ATP1A4: variants seen among roughly 807,000 people sequenced by gnomAD.
ATP1A4 encodes the protein ATPase Na+/K+ transporting subunit alpha 4.
Under a neutral mutation model 114.3 loss-of-function variants are expected in ATP1A4, and 90 were observed. The observed-to-expected ratio is 0.79, with a 90% CI of 0.66 to 0.94. The LOEUF (loss-of-function observed/expected upper bound fraction) is 0.94, where lower values mean the gene tolerates loss of function less well. ATP1A4 is among the 40% of genes least tolerant of loss of function. The probability of loss-of-function intolerance (pLI) is 0.00; values close to 1 mark genes in which losing one functional copy is unlikely to be tolerated. For missense variants in ATP1A4, 1,222 were observed against 1,313.6 expected (o/e 0.93, Z 1.08); for synonymous variants, 511 against 494.1 (o/e 1.03, Z -0.45).
chr1:160,167,463 A>G (rs1398414612), intron 10 of ATP1A4, 51 bp downstream of exon 10: 1 of 1,598,844 alleles, frequency 6.3e-7, no homozygotes, highest in Non-Finnish European at 8.5e-7. Flanking sequence ...TGGGCTTATC[A>G]CTGGAACAAG....
chr1:160,166,417 A>T (rs561372152), intron 7 of ATP1A4, 111 bp from the exon 8 acceptor site: 1 of 1,364,562 alleles, frequency 7.3e-7, no homozygotes, highest in South Asian at 1.4e-5. Flanking sequence ...ACAAAAGGGA[A>T]GTAAGTACAA....
intron 6 of ATP1A4, 37 bp from the exon 7 acceptor site, chr1:160,164,119 C>A: frequency 6.2e-7 from 1 of 1,604,356 alleles, no homozygotes; most frequent in Non-Finnish European, 8.5e-7. Flanking sequence ...CTTATCATAT[C>A]ACAACATCAC....
At chr1:160,185,411 A>C (rs1264857610) in intron 20 of ATP1A4, among the ~76,000 whole-genome samples, 1 of 151,840 alleles carries the variant, frequency 6.6e-6, no homozygotes, top group African/African-American at 2.4e-5. Context: ...ATGCCTGGCT[A>C]TCACTGGCTC....
intron 18 of ATP1A4, among the ~76,000 whole-genome samples, chr1:160,178,788 C>T (rs889727632): frequency 1.3e-5 from 2 of 152,184 alleles, no homozygotes; most frequent in Non-Finnish European, 2.9e-5. Flanking sequence ...TTTCTAACAA[C>T]CAAGATGAAT....
intron 18 of ATP1A4, among the ~76,000 whole-genome samples, chr1:160,179,589 G>A (rs1653608127): frequency 6.6e-6 from 1 of 152,212 alleles, no homozygotes; most frequent in South Asian, 2.1e-4. Flanking sequence ...GGAAGTGCAT[G>A]ATGCACTGCT....
intron 10 of ATP1A4, among the ~76,000 whole-genome samples, chr1:160,169,418 C>G (rs1444659852): frequency 6.6e-6 from 1 of 152,266 alleles, no homozygotes; most frequent in Non-Finnish European, 1.5e-5. Flanking sequence ...GGGCCCTTCA[C>G]TTATTCAACA....
chr1:160,174,573 C>T lies in ATP1A4; in HGVS notation c.2143-6C>T. The T allele has an allele frequency of 6.2e-7, 1 of 1,612,516 alleles. No individual in the cohort carries two copies. Among genetic ancestry groups the T allele is most frequent in the Non-Finnish European group, 8.5e-7 (1 of 1,178,740 alleles). ...TTGTTCACTCTCTCTGTCTGGACTT[C>T]CTCAGGGAGCCGTTGTGGCCGTGAC... On this transcript the variant is annotated splice_region_variant and splice_polypyrimidine_tract_variant and intron_variant, in intron 14 of 21. Coordinates refer to ENST00000368081, the MANE Select transcript of ATP1A4 (RefSeq NM_144699.4).
At chr1:160,167,821 A>G (rs1208957979) in intron 10 of ATP1A4, among the ~76,000 whole-genome samples, 1 of 152,176 alleles carries the variant, frequency 6.6e-6, no homozygotes, top group Non-Finnish European at 1.5e-5. Context: ...ACTTTATTTC[A>G]TTAGCCATCA....
Position 160,159,007 on chromosome 1 carries a change from T to G in ATP1A4, c.531T>G (p.Ala177=), listed in dbSNP as rs182843243. 6 of 1,613,724 alleles carry G rather than the reference T, an allele frequency of 3.7e-6. No homozygotes were observed. The African/African-American group carries it at 5.3e-5, about 14-fold the overall frequency. The change falls in exon 5 of 22, where the codon GCT becomes GCG. Residue 177 remains alanine, a synonymous_variant. Coordinates refer to ENST00000368081, the MANE Select transcript of ATP1A4 (RefSeq NM_144699.4). ...CCTGCACTATCCTCTCATAGCAAGCTCTGGTAATTCGAGGAGGAGAGAAGA... is the reference window on the plus strand; with the variant it reads ...CCTGCACTATCCTCTCATAGCAAGCGCTGGTAATTCGAGGAGGAGAGAAGA... ...ESFKNMVPQQ[A]LVIRGGEKMQ... is the part of the protein sequence containing the mutation.
intron 16 of ATP1A4, 61 bp downstream of exon 16, chr1:160,176,307 T>C (rs1233560243): frequency 6.2e-7 from 1 of 1,604,080 alleles, no homozygotes; most frequent in Middle Eastern, 1.7e-4. Context: ...CTCCCTGCTT[T>C]CTGCCTGGAG....
At chr1:160,159,341 T>C in intron 5 of ATP1A4, 68 bp from the exon 6 acceptor site, 1 of 1,437,710 alleles carries the variant, frequency 7.0e-7, no homozygotes, top group East Asian at 2.3e-5. Context: ...GAAGACATAC[T>C]ATTTTTGTAA....
chr1:160,154,133 C>T (rs937948226), intron 2 of ATP1A4, among the ~76,000 whole-genome samples: 1 of 152,144 alleles, frequency 6.6e-6, no homozygotes, highest in Non-Finnish European at 1.5e-5. Context: ...GCAGGCAGAT[C>T]ACTTGAGGTC....
chr1:160,161,688 A>G (rs1652867727), intron 6 of ATP1A4, among the ~76,000 whole-genome samples: 1 of 152,200 alleles, frequency 6.6e-6, no homozygotes, highest in South Asian at 2.1e-4. Context: ...CAGCATCTTC[A>G]TTCCATAGGA....
intron 1 of ATP1A4, 140 bp downstream of exon 1, chr1:160,152,327 G>T: frequency 5.6e-6 from 5 of 898,152 alleles, no homozygotes; most frequent in Non-Finnish European, 7.8e-6. Flanking sequence ...GAAGGAGAGG[G>T]TTAAAAAAAA....
In ATP1A4 at chr1:160,176,507, C is replaced by T; in HGVS notation, c.2495C>T (p.Ser832Leu). 1 of 1,614,188 alleles carries T rather than the reference C, an allele frequency of 6.2e-7. No homozygotes were observed. The highest frequency in any genetic ancestry group is 1.1e-5 in the South Asian group (1 of 91,068). Residue 832 changes from serine (S) to leucine (L), a missense_variant, in exon 17 of 22, where the codon TCA becomes TTA. Ser to Leu is a moderately radical substitution (Grantham distance 145, BLOSUM62 -2). Transcript: ENST00000368081. ...CCTGCCATCTCCTTGGCTTATGAGT[C>T]AGCTGAAAGCGACATCATGAAGAGG... ...MVPAISLAYE[S>L]AESDIMKRLP... is the part of the protein sequence containing the mutation.
At chr1:160,176,859 AAAGCAAGCAGGCTC>A (rs1653483396) in intron 17 of ATP1A4, among the ~76,000 whole-genome samples, 1 of 152,242 alleles carries the variant, frequency 6.6e-6, no homozygotes, top group Non-Finnish European at 1.5e-5. Context: ...ACAGGATTAC[AAAGCAAGCAGGCTC>A]ACCATTATGA....
chr1:160,153,139 C>T (rs1416306503), intron 1 of ATP1A4, 26 bp from the exon 2 acceptor site: 1 of 1,608,898 alleles, frequency 6.2e-7, no homozygotes, highest in African/African-American at 1.3e-5. Context: ...ACCCCCTGTC[C>T]CTCAATGCCT....
chr1:160,171,862 C>A, intron 12 of ATP1A4, 105 bp downstream of exon 12: 1 of 1,159,160 alleles, frequency 8.6e-7, no homozygotes, highest in Non-Finnish European at 1.2e-6. Context: ...TTTAATTGAG[C>A]GGATTTCTGT....
In ATP1A4 at chr1:160,171,812, C is replaced by G. The variant is rs781685172; in HGVS notation, c.1854+55C>G. ...CACCTGTCACAAGTTGAAGCATCTA[C>G]TAGAAGGCCTTGCGCAGAGTAGATG... On this transcript the variant is annotated intron_variant, in intron 12 of 21. Coordinates refer to ENST00000368081, the MANE Select transcript of ATP1A4 (RefSeq NM_144699.4). 1.9e-6 allele frequency: 3 copies of G among 1,574,742 alleles called. No homozygotes were observed. The East Asian group carries it at 6.7e-5, about 35-fold the overall frequency.
Sources: allele counts gnomAD v4.1 joint callset (sites outside exome capture counted in the v4.1 genomes callset), GRCh38; gene constraint gnomAD v4.1.1; transcripts MANE v1.5; gene names NCBI Gene and HGNC (gene_info 2026-07-23, HGNC 2026-07-21).